Variants in FOCAD observed in about 807,000 individuals in gnomAD.
The protein encoded by FOCAD is focadhesin.
A neutral mutation model predicts 225.6 loss-of-function variants in FOCAD; 198 were observed. The ratio of observed to expected loss-of-function variants is 0.88; its 90% confidence interval spans 0.78 to 0.99. FOCAD has a LOEUF of 0.99. Ranked by LOEUF, FOCAD falls within the 50% of genes least tolerant of loss-of-function variation. The pLI is 0.00. For synonymous variants in FOCAD, 897 were observed against 755.0 expected, an observed-to-expected ratio of 1.19 and a Z score of -3.08; for missense variants, 2,713 against 2,123.6, an observed-to-expected ratio of 1.28 and a Z score of -5.46.
chr9:20,931,902 CAAA>C (rs11343467), intron 27 of FOCAD, among the ~76,000 whole-genome samples: 59 of 120,568 alleles, frequency 4.9e-4, no homozygotes, highest in Non-Finnish European at 4.4e-4. Context: ...GACTCTATCT[CAAA>C]AAAAAAAAAA....
intron 11 of FOCAD, among the ~76,000 whole-genome samples, chr9:20,813,530 A>G (rs1564022369): frequency 6.6e-6 from 1 of 152,182 alleles, no homozygotes; most frequent in African/African-American, 2.4e-5. Flanking sequence ...GATTTTTTAA[A>G]TAATGTTAAT....
At chr9:20,855,768 G>C (rs1455989730) in intron 15 of FOCAD, among the ~76,000 whole-genome samples, 3 of 141,366 alleles carry the variant, frequency 2.1e-5, no homozygotes, top group African/African-American at 7.8e-5. Context: ...TGCAGCCTCT[G>C]TTAACCATCA....
chr9:20,887,927 T>A (rs1180002730), intron 21 of FOCAD, among the ~76,000 whole-genome samples: 1 of 152,166 alleles, frequency 6.6e-6, no homozygotes, highest in African/African-American at 2.4e-5. Flanking sequence ...TTAATTTGTG[T>A]TTCCTTAATA....
At chr9:20,720,055 A>G (rs910740766) in intron 3 of FOCAD, among the ~76,000 whole-genome samples, 3 of 152,134 alleles carry the variant, frequency 2.0e-5, no homozygotes, top group African/African-American at 7.2e-5. Flanking sequence ...GTGTCTGGTT[A>G]AATTGTTTGG....
intron 15 of FOCAD, among the ~76,000 whole-genome samples, chr9:20,855,297 T>C (rs1471701678): frequency 3.3e-5 from 5 of 151,722 alleles, no homozygotes. Context: ...GAATAATAGT[T>C]ATTAAATAAA....
At chr9:20,857,707 A>C (rs75629765) in intron 15 of FOCAD, among the ~76,000 whole-genome samples, 1,807 of 149,794 alleles carry the variant, frequency 0.012, 31 homozygotes, top group African/African-American at 0.041. Flanking sequence ...TCAGTATTCT[A>C]CTAGCTGTTG....
At chr9:20,813,261 C>T (rs1042414545) in intron 11 of FOCAD, among the ~76,000 whole-genome samples, 6 of 152,018 alleles carry the variant, frequency 3.9e-5, no homozygotes, top group African/African-American at 1.4e-4. Context: ...CCATTCATCC[C>T]GGGATGGACA....
chr9:20,677,773 G>T (rs570394885), intron 2 of FOCAD, among the ~76,000 whole-genome samples: 1 of 152,296 alleles, frequency 6.6e-6, no homozygotes, highest in East Asian at 1.9e-4. Context: ...AAACCGTGTG[G>T]AGGTTTCTCA....
At chr9:20,765,612 C>A (rs1829988010) in intron 7 of FOCAD, among the ~76,000 whole-genome samples, 1 of 152,116 alleles carries the variant, frequency 6.6e-6, no homozygotes, top group Non-Finnish European at 1.5e-5. Context: ...AGGACAAGTA[C>A]TGTACATATA....
rs146537716 is a variant in FOCAD at position 20,823,023 on chromosome 9, A to G, written c.1828A>G (p.Ile610Val). ...ACATGGTGCAGATATGTTGGCAGCT[A>G]TTTCTCAAGTGTTGAATGAATGCAC... Reference protein sequence around the residue: ...YQHGADMLAAISQVLNECTKP... With the variant: ...YQHGADMLAAVSQVLNECTKP... Residue 610 changes from isoleucine to valine, a missense_variant, in exon 15 of 44, where the codon ATT (isoleucine) becomes GTT (valine). By Grantham distance (29) the Ile-to-Val change is conservative (BLOSUM62 3). Coordinates refer to ENST00000338382, the MANE Select transcript of FOCAD (RefSeq NM_001375567.1). 30 of 1,606,668 alleles carry G rather than the reference A, an allele frequency of 1.9e-5. No homozygotes were observed. The highest frequency in any genetic ancestry group is 1.5e-4 in the African/African-American group (11 of 74,354).
At chr9:20,753,520 A>G (rs1288256702) in intron 5 of FOCAD, among the ~76,000 whole-genome samples, 1 of 151,920 alleles carries the variant, frequency 6.6e-6, no homozygotes, top group African/African-American at 2.4e-5. Context: ...CCACTTGATC[A>G]TGGTGGATAA....
intron 42 of FOCAD, among the ~76,000 whole-genome samples, chr9:20,992,020 C>G (rs1841717587): frequency 6.6e-6 from 1 of 152,116 alleles, no homozygotes; most frequent in South Asian, 2.1e-4. Context: ...TTGATTAAAG[C>G]AGGGAATTAG....
chr9:20,688,271 C>T lies in FOCAD; in HGVS notation c.-33+3978C>T, dbSNP rs150826274. Among the ~76,000 whole-genome samples, 685 of 152,144 alleles carry T rather than the reference C, an allele frequency of 4.5e-3. 4 individuals are homozygous for T. The highest frequency in any genetic ancestry group is 0.015 in the African/African-American group (633 of 41,506). On this transcript the variant is annotated intron_variant, in intron 1 of 43. Transcript: ENST00000338382. ...CATTTGCATTACATGTGACAGAACTCCGAAAATGCAGTGCTGCTGGAGAGA... is the reference window on the plus strand; with the variant it reads ...CATTTGCATTACATGTGACAGAACTTCGAAAATGCAGTGCTGCTGGAGAGA...
rs2131862576 is a variant in FOCAD at position 20,885,281 on chromosome 9, A to G, written c.2625+51A>G. ...TGTTTTAGTGTTTTCTCCCTTCATG[A>G]TATGTTTAAGAAGTTGTTTGTTTAG... is the stretch of plus-strand genomic sequence containing the variant. On this transcript the variant is annotated intron_variant, in intron 21 of 43. Coordinates refer to ENST00000338382, the MANE Select transcript of FOCAD (RefSeq NM_001375567.1). 3.7e-6 allele frequency: 5 copies of G among 1,353,784 alleles called. No individual in the cohort carries two copies. In the East Asian group the frequency reaches 1.1e-4, roughly 30 times the overall value. 83.9% of individuals were successfully genotyped at this position (1,353,784 alleles called of 1,614,324 possible). A position where few individuals can be genotyped will look rare whatever the true frequency, so the allele number is the denominator to read the frequency against.
chr9:20,795,148 A>G (rs1820917836), intron 11 of FOCAD, among the ~76,000 whole-genome samples: 2 of 152,200 alleles, frequency 1.3e-5, no homozygotes, highest in Admixed American at 1.3e-4. Context: ...AAGAGTGAGA[A>G]CATGATAGAG....
At position 20,990,375 on chromosome 9, in the gene FOCAD, G is replaced by A. The variant is rs549536651; in HGVS notation, c.5256+1G>A. 2 of 1,612,902 alleles carry A rather than the reference G, an allele frequency of 1.2e-6. No homozygotes were observed. Among genetic ancestry groups the A allele is most frequent in the Non-Finnish European group, 1.7e-6 (2 of 1,179,676 alleles). ...GCCATGGAAGGAACAGACCCAGAAG[G>A]TGAGGCTGGCAGCCACCTGCTTAGC... On this transcript the variant is annotated splice_donor_variant, in intron 42 of 43. Transcript: ENST00000338382. LOFTEE classifies it high-confidence loss of function.
intron 12 of FOCAD, 58 bp from the exon 13 acceptor site, chr9:20,820,266 A>G (rs1254592873): frequency 2.4e-6 from 3 of 1,262,422 alleles, no homozygotes. Context: ...GCTTTTGGTA[A>G]CCTCGAGGTT....
At chr9:20,806,334 G>A (rs1294345568) in intron 11 of FOCAD, among the ~76,000 whole-genome samples, 4 of 151,840 alleles carry the variant, frequency 2.6e-5, no homozygotes, top group African/African-American at 7.3e-5. Context: ...TGCCTCTTTC[G>A]GCCTCTTAGA....
intron 23 of FOCAD, among the ~76,000 whole-genome samples, chr9:20,914,758 G>C (rs1340342605): frequency 6.6e-6 from 1 of 152,100 alleles, no homozygotes; most frequent in East Asian, 1.9e-4. Context: ...AACATTGGCA[G>C]ATCTTAATCA....
Sources: allele counts gnomAD v4.1 joint callset (sites outside exome capture counted in the v4.1 genomes callset), GRCh38; gene constraint gnomAD v4.1.1; transcripts MANE v1.5; gene names NCBI Gene and HGNC (gene_info 2026-07-23, HGNC 2026-07-21).